The following UGP2 variants were observed in gnomAD, a reference collection of about 807,000 sequenced individuals.
UGP2 encodes UDP-glucose pyrophosphorylase 2, also known as UTP--glucose-1-phosphate uridylyltransferase.
Under a neutral mutation model 49.0 loss-of-function variants are expected in UGP2, and 40 were observed. That is an observed-to-expected ratio of 0.82 (90% CI 0.63 to 1.06). The LOEUF (loss-of-function observed/expected upper bound fraction) is 1.06. UGP2 is among the 50% of genes least tolerant of loss of function. The probability of loss-of-function intolerance (pLI) is 0.00; values close to 1 mark genes in which losing one functional copy is unlikely to be tolerated. For synonymous variants in UGP2, 225 were observed against 213.0 expected, an observed-to-expected ratio of 1.06 and a Z score of -0.49; for missense variants, 460 against 603.5, an observed-to-expected ratio of 0.76 and a Z score of 2.49.
At chr2:63,861,336 G>A (rs372688515) in intron 3 of UGP2, among the ~76,000 whole-genome samples, 1 of 152,006 alleles carries the variant, frequency 6.6e-6, no homozygotes, top group African/African-American at 2.4e-5. Flanking sequence ...TCAGAGTTAC[G>A]AGGAAGTACG....
At chr2:63,872,075 C>A (rs1330308746) in intron 3 of UGP2, among the ~76,000 whole-genome samples, 2 of 152,112 alleles carry the variant, frequency 1.3e-5, no homozygotes, top group Non-Finnish European at 2.9e-5. Context: ...TTTATGAAAA[C>A]AAGTGGCAGC....
chr2:63,855,998 T>C (rs944065104), intron 1 of UGP2: 1 of 243,566 alleles, frequency 4.1e-6, no homozygotes, highest in African/African-American at 2.3e-5. Flanking sequence ...TTGGCTGAAA[T>C]TGGGAACCAG....
chr2:63,876,491 ACTT>A (rs1396766251), intron 3 of UGP2, among the ~76,000 whole-genome samples: 2 of 152,132 alleles, frequency 1.3e-5, no homozygotes, highest in Non-Finnish European at 1.5e-5. Context: ...ATACGCTGTT[ACTT>A]CTTTTTTTCC....
intron 8 of UGP2, chr2:63,888,185 A>G (rs1010342925): frequency 1.3e-5 from 2 of 154,806 alleles, no homozygotes; most frequent in African/African-American, 4.8e-5. Flanking sequence ...GTAATTTTAC[A>G]TTGAGTGGCC....
At chr2:63,888,073 G>A (rs937750447) in intron 8 of UGP2, 1 of 162,272 alleles carries the variant, frequency 6.2e-6, no homozygotes, top group South Asian at 1.7e-4. Flanking sequence ...TGATAAGTAA[G>A]TAAATGTATG....
intron 3 of UGP2, among the ~76,000 whole-genome samples, chr2:63,868,701 C>T (rs982335337): frequency 2.0e-5 from 3 of 152,140 alleles, no homozygotes; most frequent in Non-Finnish European, 4.4e-5. Flanking sequence ...CGGTAGCTCA[C>T]ACCTGTAATC....
rs779769135 is a variant in UGP2 at position 63,890,182 on chromosome 2, AAAGGTATGTTGTTAC to A, written c.1419_1419+14del. 5.6e-5 allele frequency: 89 copies of A among 1,603,458 alleles called. No homozygotes were observed. The highest frequency in any genetic ancestry group is 7.3e-5 in the Non-Finnish European group (86 of 1,173,304). Reference sequence around the variant, plus strand: ...TGACATTTGGAAAAAATGTTTCATTAAAGGTATGTTGTTACAATGAAAATTATATTTCTTACAGCT... The same window carrying A: ...TGACATTTGGAAAAAATGTTTCATTAAATGAAAATTATATTTCTTACAGCT... On this transcript the variant is annotated splice_donor_variant and splice_donor_5th_base_variant and coding_sequence_variant and intron_variant, in exon 9 of 10. Coordinates refer to ENST00000337130, the MANE Select transcript of UGP2 (RefSeq NM_006759.4). LOFTEE classifies it high-confidence loss of function.
At chr2:63,874,951 A>AAAT (rs1259961524) in intron 3 of UGP2, among the ~76,000 whole-genome samples, 1 of 152,174 alleles carries the variant, frequency 6.6e-6, no homozygotes, top group Non-Finnish European at 1.5e-5. Context: ...ACTGTGCACC[A>AAAT]AATAAACCTC....
intron 9 of UGP2, 75 bp from the exon 10 acceptor site, chr2:63,891,045 T>A: frequency 3.2e-6 from 4 of 1,235,124 alleles, no homozygotes; most frequent in Non-Finnish European, 4.5e-6. Context: ...AAGTTGTACA[T>A]AAACTTGATC....
intron 1 of UGP2, among the ~76,000 whole-genome samples, chr2:63,850,672 A>G (rs550457593): frequency 2.0e-5 from 3 of 152,308 alleles, no homozygotes; most frequent in South Asian, 4.1e-4. Context: ...TTCTTTGACC[A>G]TATCCCTGAT....
At chr2:63,877,098 A>G (rs998719775) in intron 3 of UGP2, among the ~76,000 whole-genome samples, 2 of 152,254 alleles carry the variant, frequency 1.3e-5, no homozygotes, top group African/African-American at 4.8e-5. Context: ...TTAGTAACCA[A>G]GCTTTAAAAT....
At chr2:63,884,630 G>T (rs1671533418) in intron 5 of UGP2, among the ~76,000 whole-genome samples, 1 of 152,194 alleles carries the variant, frequency 6.6e-6, no homozygotes, top group Non-Finnish European at 1.5e-5. Context: ...GATGTTTTGA[G>T]GCTGGGTGTG....
At chr2:63,875,628 C>T (rs1371922792) in intron 3 of UGP2, among the ~76,000 whole-genome samples, 1 of 152,178 alleles carries the variant, frequency 6.6e-6, no homozygotes, top group African/African-American at 2.4e-5. Flanking sequence ...AGAGCGTGTT[C>T]TTCAGTAGAT....
In UGP2 at chr2:63,856,329, G is replaced by T. The variant is rs759233062; in HGVS notation, c.43G>T (p.Asp15Tyr). The T allele has an allele frequency of 8.2e-5, 132 of 1,613,620 alleles. No individual in the cohort carries two copies. The highest frequency in any genetic ancestry group is 9.7e-5 in the Non-Finnish European group (115 of 1,179,952). Residue 15 changes from aspartate to tyrosine, a missense_variant, in exon 2 of 10, where the codon GAT becomes TAT. Physicochemically the swap from Asp to Tyr is radical, Grantham distance 160. Transcript: ENST00000337130. ...VQDLSKAMSQ[D>Y]GASQFQEVIR... The stretch of plus-strand genomic sequence containing the variant: ...AGATCTTAGCAAAGCAATGTCTCAA[G>T]ATGGTGCTTCTCAGTTCCAAGAAGT...
At chr2:63,867,319 C>T (rs1205222087) in intron 3 of UGP2, among the ~76,000 whole-genome samples, 1 of 152,190 alleles carries the variant, frequency 6.6e-6, no homozygotes, top group Non-Finnish European at 1.5e-5. Context: ...TTGTCCTAGC[C>T]TCATTACTCC....
intron 3 of UGP2, among the ~76,000 whole-genome samples, chr2:63,876,797 T>G (rs1446834688): frequency 6.6e-6 from 1 of 152,242 alleles, no homozygotes; most frequent in African/African-American, 2.4e-5. Flanking sequence ...GAAGTCTTTA[T>G]TGACTTGGTT....
chr2:63,858,078 C>G, intron 3 of UGP2, 142 bp downstream of exon 3: 1 of 717,264 alleles, frequency 1.4e-6, no homozygotes, highest in Non-Finnish European at 2.3e-6. Flanking sequence ...ACCCCTCATC[C>G]TGAAACTATG....
At chr2:63,884,555 A>C (rs1296360128) in intron 5 of UGP2, among the ~76,000 whole-genome samples, 1 of 152,144 alleles carries the variant, frequency 6.6e-6, no homozygotes, top group Admixed American at 6.5e-5. Flanking sequence ...GAAGGCCAGG[A>C]AACTGGAGAA....
chr2:63,851,008 G>A lies in UGP2; in HGVS notation c.20-5298G>A, dbSNP rs1244256688. On this transcript the variant is annotated intron_variant, in intron 1 of 9. Coordinates refer to ENST00000337130, the MANE Select transcript of UGP2 (RefSeq NM_006759.4). ...TATACTTTCACAGAATTTACAGTCT[G>A]TTGGATAAGATAAACATTGAATAAA... 2.0e-5 allele frequency among the ~76,000 whole-genome samples: 3 copies of A among 152,268 alleles called. No individual in the cohort carries two copies. The South Asian group carries it at 6.2e-4, about 32-fold the overall frequency.
Sources: gnomAD v4.1 joint callset for allele counts (sites outside exome capture counted in the v4.1 genomes callset) on GRCh38, gnomAD v4.1.1 for gene constraint, MANE v1.5 for transcripts, NCBI Gene and HGNC (gene_info 2026-07-23, HGNC 2026-07-21) for gene names.